DAPK1: variants seen among roughly 807,000 people sequenced by gnomAD.
The protein encoded by DAPK1 is death-associated protein kinase 1.
DAPK1 carries 56 observed loss-of-function variants against 144.9 expected under a neutral mutation model. That is an observed-to-expected ratio of 0.39 (90% confidence interval 0.31 to 0.48). The LOEUF (loss-of-function observed/expected upper bound fraction) is 0.48. DAPK1 is among the 20% of genes least tolerant of loss of function. The pLI is 0.95. For synonymous variants in DAPK1, 690 were observed against 749.0 expected (o/e 0.92, Z 1.29); for missense variants, 1,454 against 1,875.4 (o/e 0.78, Z 4.15).
chr9:87,636,111 C>T (rs1041775731), intron 3 of DAPK1, among the ~76,000 whole-genome samples: 1 of 152,174 alleles, frequency 6.6e-6, no homozygotes, highest in Non-Finnish European at 1.5e-5. Flanking sequence ...GCCAAGGACA[C>T]CTGGGAGGGG....
At chr9:87,586,251 C>T (rs1258744303) in intron 2 of DAPK1, among the ~76,000 whole-genome samples, 1 of 152,168 alleles carries the variant, frequency 6.6e-6, no homozygotes, top group African/African-American at 2.4e-5. Flanking sequence ...TAGCGCCCCA[C>T]TGCACTCCAG....
At chr9:87,573,605 C>T (rs1281371654) in intron 2 of DAPK1, among the ~76,000 whole-genome samples, 1 of 152,218 alleles carries the variant, frequency 6.6e-6, no homozygotes, top group Non-Finnish European at 1.5e-5. Context: ...TCTTCCTGAC[C>T]ACCAAGGATC....
Position 87,700,157 on chromosome 9 carries a change from C to G in DAPK1, c.2791C>G (p.Leu931Val). 1.9e-6 allele frequency: 3 copies of G among 1,608,156 alleles called. No homozygotes were observed. The highest frequency in any genetic ancestry group is 2.6e-6 in the Non-Finnish European group (3 of 1,174,614). Residue 931 changes from leucine to valine, a missense_variant, in exon 24 of 26, where the codon CTG becomes GTG. Around this residue, in one of 2 missense-constraint regions of DAPK1, gnomAD observed 1,025 missense variants for 1,237.9 expected, o/e 0.83. Coordinates refer to ENST00000408954, the MANE Select transcript of DAPK1 (RefSeq NM_004938.4). ...TCACATTTCAAATAAGCTGTTTGTT[C>G]TGGATGCTGGGGCTTCTGGGTCAAA... The part of the protein sequence containing the change: ...DLHISNKLFV[L>V]DAGASGSKDM...
intron 2 of DAPK1, among the ~76,000 whole-genome samples, chr9:87,532,773 C>T (rs1415995909): frequency 3.9e-5 from 6 of 152,078 alleles, no homozygotes; most frequent in Non-Finnish European, 5.9e-5. Context: ...CATTTTATTA[C>T]GAAAATTTTT....
chr9:87,593,266 C>T (rs1828203657), intron 2 of DAPK1, among the ~76,000 whole-genome samples: 1 of 152,240 alleles, frequency 6.6e-6, no homozygotes, highest in African/African-American at 2.4e-5. Flanking sequence ...TGAGTGCAAA[C>T]TCTTCGTCAG....
rs1019823109 is a variant in DAPK1 at position 87,504,129 on chromosome 9, G to C, written c.62+4990G>C. ...AATGGGAACCGCAGGCCACCGGTGG[G>C]TTTCTGCATCCTTATAGGACTGTGC... On this transcript the variant is annotated intron_variant, in intron 2 of 25. Transcript: ENST00000408954. Among the ~76,000 whole-genome samples, 5 of 152,094 alleles carry C rather than the reference G, an allele frequency of 3.3e-5. No homozygotes were observed. In the South Asian group the frequency reaches 1.0e-3, roughly 31 times the overall value.
At chr9:87,559,939 T>G (rs1014255743) in intron 2 of DAPK1, among the ~76,000 whole-genome samples, 1 of 152,030 alleles carries the variant, frequency 6.6e-6, no homozygotes, top group Non-Finnish European at 1.5e-5. Context: ...TCTCCCCACC[T>G]TGGTTTATGA....
chr9:87,707,731 G>T lies in DAPK1; in HGVS notation c.*367G>T. 2.3e-6 allele frequency: 1 copy of T among 433,856 alleles called. No individual in the cohort carries two copies. The highest frequency in any genetic ancestry group is 4.4e-6 in the Non-Finnish European group (1 of 227,270). The allele number at this position is 433,856 out of a possible 1,614,324, so 26.9% of individuals were successfully genotyped here. On this transcript the variant is annotated 3_prime_UTR_variant, in exon 26 of 26. Coordinates refer to ENST00000408954, the MANE Select transcript of DAPK1 (RefSeq NM_004938.4). This position sits in a 1 kb window ranked among gnomAD's most constrained non-coding sequence, Gnocchi z 4.0. Reference sequence around the variant, plus strand: ...TGACATTTTTTTTAACTACTATATTGATTGTCCTTTAAAAAAGAAAAGTGC... The same window carrying T: ...TGACATTTTTTTTAACTACTATATTTATTGTCCTTTAAAAAAGAAAAGTGC...
chr9:87,576,714 C>T (rs1266424655), intron 2 of DAPK1, among the ~76,000 whole-genome samples: 1 of 152,184 alleles, frequency 6.6e-6, no homozygotes, highest in African/African-American at 2.4e-5. Context: ...CCCGCCACTG[C>T]ACCCGGCCAA....
chr9:87,531,498 A>G (rs1825696711), intron 2 of DAPK1, among the ~76,000 whole-genome samples: 1 of 152,166 alleles, frequency 6.6e-6, no homozygotes, highest in Non-Finnish European at 1.5e-5. Flanking sequence ...AGTTGGGGGT[A>G]AGAGGGCATT....
Position 87,708,232 on chromosome 9 carries a change from CA to C in DAPK1, c.*869del, listed in dbSNP as rs374287026. 425 of 205,880 alleles carry C rather than the reference CA, an allele frequency of 2.1e-3. No individual in the cohort carries two copies. The highest frequency in any genetic ancestry group is 9.7e-3 in the African/African-American group (416 of 42,802). The allele number at this position is 205,880 out of a possible 1,614,324, so 12.8% of individuals were successfully genotyped here. On this transcript the variant is annotated 3_prime_UTR_variant, in exon 26 of 26. Transcript: ENST00000408954. ...CCTCTCATCTCAGGTAGAAGGTTGACACAGTTGTAGGGTTACAGAGACCTAT... is the reference window on the plus strand; with the variant it reads ...CCTCTCATCTCAGGTAGAAGGTTGACCAGTTGTAGGGTTACAGAGACCTAT...
chr9:87,554,915 C>T (rs1826647373), intron 2 of DAPK1, among the ~76,000 whole-genome samples: 1 of 152,182 alleles, frequency 6.6e-6, no homozygotes, highest in African/African-American at 2.4e-5. Context: ...AGTTCTCTGC[C>T]ACAATCTACA....
intron 2 of DAPK1, among the ~76,000 whole-genome samples, chr9:87,516,231 T>C (rs977047462): frequency 1.3e-5 from 2 of 152,164 alleles, no homozygotes; most frequent in East Asian, 3.9e-4. Flanking sequence ...GTGTCTCTAC[T>C]GGATTCCAGA....
chr9:87,590,128 C>A (rs866804746), intron 2 of DAPK1, among the ~76,000 whole-genome samples: 7 of 152,116 alleles, frequency 4.6e-5, no homozygotes, highest in African/African-American at 1.7e-4. Context: ...GGAGAGGGCT[C>A]CAATTTGGTT....
intron 2 of DAPK1, among the ~76,000 whole-genome samples, chr9:87,590,039 A>G (rs17053166): frequency 0.1 from 15,575 of 152,234 alleles, 1,475 homozygotes; most frequent in African/African-American, 0.25. Context: ...CTCATTGACC[A>G]TTTGCTAAGT....
At chr9:87,667,703 C>A (rs977663914) in intron 18 of DAPK1, 3 of 128,478 alleles carry the variant, frequency 2.3e-5, no homozygotes, top group Non-Finnish European at 5.0e-5. Flanking sequence ...CAAATCCTTA[C>A]TTTTTTATTA....
intron 2 of DAPK1, among the ~76,000 whole-genome samples, chr9:87,599,765 T>G (rs1828445785): frequency 6.6e-6 from 1 of 152,330 alleles, no homozygotes; most frequent in African/African-American, 2.4e-5. Context: ...GTGAGAGTTA[T>G]TCTCTAGAAA....
At chr9:87,521,058 C>T (rs1240005744) in intron 2 of DAPK1, among the ~76,000 whole-genome samples, 6 of 152,204 alleles carry the variant, frequency 3.9e-5, no homozygotes, top group African/African-American at 1.4e-4. Flanking sequence ...AATATGTGAT[C>T]TACTGTTAGA....
At chr9:87,615,508 C>T (rs994060100) in intron 3 of DAPK1, among the ~76,000 whole-genome samples, 6 of 152,206 alleles carry the variant, frequency 3.9e-5, no homozygotes, top group Admixed American at 1.3e-4. Flanking sequence ...GTGTCATTGA[C>T]GTTTCCCCTA....
Sources: gnomAD v4.1 joint callset for allele counts (sites outside exome capture counted in the v4.1 genomes callset) on GRCh38, gnomAD v4.1.1 for gene constraint, gnomAD v4.1.1 regional missense constraint, Gnocchi (gnomAD v3.1) non-coding constraint, MANE v1.5 for transcripts, NCBI Gene and HGNC (gene_info 2026-07-23, HGNC 2026-07-21) for gene names.